The following PALM2AKAP2 variants were observed in gnomAD, a reference collection of about 807,000 sequenced individuals.
The protein encoded by PALM2AKAP2 is PALM2-AKAP2 fusion protein.
Under a neutral mutation model 71.5 loss-of-function variants are expected in PALM2AKAP2, and 37 were observed. That is an observed-to-expected ratio of 0.52 (90% CI 0.40 to 0.68). PALM2AKAP2 has a LOEUF of 0.68. Among genes scored for constraint, PALM2AKAP2 ranks in the 30% least tolerant of loss-of-function variants. The probability of loss-of-function intolerance (pLI) is 0.00; values close to 1 mark genes in which losing one functional copy is unlikely to be tolerated. For synonymous variants in PALM2AKAP2, 468 were observed against 478.8 expected, an observed-to-expected ratio of 0.98 and a Z score of 0.29; for missense variants, 1,224 against 1,191.8, an observed-to-expected ratio of 1.03 and a Z score of -0.40.
At chr9:110,048,421 A>C (rs1397107893), upstream of PALM2AKAP2, among the ~76,000 whole-genome samples, 2 of 152,114 alleles carry the variant, frequency 1.3e-5, no homozygotes, top group East Asian at 3.9e-4. Context: ...CGCTCCCCTG[A>C]GTTAGGAAAC....
rs151126383 is a variant in PALM2AKAP2 at position 109,687,559 on chromosome 9, A to G, written c.5+46693A>G. 1.2e-3 allele frequency among the ~76,000 whole-genome samples: 180 copies of G among 152,290 alleles called. 1 individual carries two copies. Among genetic ancestry groups the G allele is most frequent in the African/African-American group, 4.1e-3 (169 of 41,558 alleles). On this transcript the variant is annotated intron_variant, in intron 1 of 6. Coordinates refer to the PALM2AKAP2 transcript ENST00000374531. ...AGCTTCCTCACCTTTCTCGGCCTTC[A>G]TAGAATTGAAGACAGTTAGAGCCTT...
intron 3 of PALM2AKAP2, among the ~76,000 whole-genome samples, chr9:110,158,667 A>C (rs942367064): frequency 5.9e-5 from 9 of 152,202 alleles, no homozygotes; most frequent in Admixed American, 2.0e-4. Context: ...CAAATCAAAG[A>C]GGCAGCCTCC....
chr9:109,997,713 T>G (rs1349812529), intron 6 of PALM2AKAP2, among the ~76,000 whole-genome samples: 1 of 152,186 alleles, frequency 6.6e-6, no homozygotes, highest in African/African-American at 2.4e-5. Flanking sequence ...TGCCCTCTAT[T>G]TGGAGGCCGC....
intron 1 of PALM2AKAP2, among the ~76,000 whole-genome samples, chr9:109,820,155 ATTAC>A (rs1331752188): frequency 4.6e-5 from 7 of 152,344 alleles, no homozygotes; most frequent in East Asian, 1.9e-4. Context: ...GGATTCATAT[ATTAC>A]TTATATAATT....
intron 6 of PALM2AKAP2, among the ~76,000 whole-genome samples, chr9:109,970,276 G>C (rs561095900): frequency 3.5e-4 from 54 of 152,278 alleles, no homozygotes; most frequent in Non-Finnish European, 6.2e-4. Context: ...TTTATTATTA[G>C]ATTCAATAAA....
At chr9:109,990,955 A>C (rs117415945) in intron 6 of PALM2AKAP2, among the ~76,000 whole-genome samples, 2,123 of 152,268 alleles carry the variant, frequency 0.014, 24 homozygotes, top group Middle Eastern at 0.082. Context: ...CTAGTGTAAG[A>C]GGGCCATCTT....
At chr9:110,028,129 G>A (rs1833215288) in intron 7 of PALM2AKAP2, among the ~76,000 whole-genome samples, 1 of 152,136 alleles carries the variant, frequency 6.6e-6, no homozygotes, top group Admixed American at 6.5e-5. Context: ...TATAATACAT[G>A]TCTTTGAGAA....
intron 3 of PALM2AKAP2, among the ~76,000 whole-genome samples, chr9:109,900,853 A>C (rs1177237252): frequency 1.3e-5 from 2 of 152,228 alleles, no homozygotes; most frequent in African/African-American, 4.8e-5. Flanking sequence ...TTGACTTCAG[A>C]CAGAACATTC....
intron 1 of PALM2AKAP2, among the ~76,000 whole-genome samples, chr9:109,726,061 T>C (rs577646276): frequency 6.6e-6 from 1 of 152,348 alleles, no homozygotes; most frequent in Admixed American, 6.5e-5. Context: ...CTTTAACACA[T>C]TAGCCTTCTT....
intron 3 of PALM2AKAP2, among the ~76,000 whole-genome samples, chr9:109,881,573 C>T (rs889350307): frequency 6.6e-6 from 1 of 152,202 alleles, no homozygotes; most frequent in Non-Finnish European, 1.5e-5. Context: ...GCTTTCACTG[C>T]TCAGAGAGTG....
At chr9:110,111,086 C>CTTTTTTTTTTTTTTTTTT (rs34958946) in intron 1 of PALM2AKAP2, among the ~76,000 whole-genome samples, 36 of 84,188 alleles carry the variant, frequency 4.3e-4, no homozygotes, top group South Asian at 5.1e-4. Flanking sequence ...TTTCTTTCTT[C>CTTTTTTTTTTTTTTTTTT]TTTTTTTTTT....
intron 7 of PALM2AKAP2, among the ~76,000 whole-genome samples, chr9:110,022,565 T>TTTTTA (rs1251922765): frequency 1.3e-4 from 20 of 149,986 alleles, no homozygotes; most frequent in South Asian, 4.2e-4. Context: ...TTTTTCTTTA[T>TTTTTA]TTTTATTTTA....
At chr9:109,734,968 C>A (rs1828608147) in intron 1 of PALM2AKAP2, among the ~76,000 whole-genome samples, 1 of 151,892 alleles carries the variant, frequency 6.6e-6, no homozygotes, top group African/African-American at 2.4e-5. Context: ...TTACATTGCT[C>A]AACTGACTTG....
chr9:110,158,021 C>G (rs1836501151), intron 3 of PALM2AKAP2, among the ~76,000 whole-genome samples: 1 of 152,194 alleles, frequency 6.6e-6, no homozygotes, highest in African/African-American at 2.4e-5. Flanking sequence ...TGCAGCTATT[C>G]TACTGGGCTC....
chr9:110,046,002 G>T (rs1833589896), upstream of PALM2AKAP2, among the ~76,000 whole-genome samples: 2 of 152,194 alleles, frequency 1.3e-5, no homozygotes, highest in African/African-American at 2.4e-5. Flanking sequence ...GCGCTGTCCT[G>T]TAGATGCCAG....
At chr9:110,034,278 C>A (rs1354546792) in intron 7 of PALM2AKAP2, among the ~76,000 whole-genome samples, 1 of 152,158 alleles carries the variant, frequency 6.6e-6, no homozygotes, top group East Asian at 1.9e-4. Flanking sequence ...CTGCCTCAGT[C>A]TCCTAAGTAG....
chr9:109,677,499 C>T (rs1827664675), intron 1 of PALM2AKAP2, among the ~76,000 whole-genome samples: 1 of 152,084 alleles, frequency 6.6e-6, no homozygotes, highest in South Asian at 2.1e-4. Context: ...GAAACCCCGT[C>T]TCTACTAAAA....
At position 110,039,315 on chromosome 9, in the gene PALM2AKAP2, G is replaced by T. The variant is rs184050656; in HGVS notation, c.582+23276G>T. ...TCTATCCTCTTAAAGTGTTCATTTA[G>T]TACAGTATTATTAACTGTGAGCACA... On this transcript the variant is annotated intron_variant, in intron 7 of 9. Transcript: ENST00000302798. Among the ~76,000 whole-genome samples, 124 of 152,248 alleles carry T rather than the reference G, an allele frequency of 8.1e-4. 1 individual carries two copies. Among genetic ancestry groups the T allele is most frequent in the African/African-American group, 2.8e-3 (118 of 41,540 alleles).
intron 1 of PALM2AKAP2, among the ~76,000 whole-genome samples, chr9:109,690,007 GTT>G (rs573446380): frequency 6.9e-6 from 1 of 144,250 alleles, no homozygotes; most frequent in Admixed American, 6.9e-5. Flanking sequence ...ATGGGGAAGA[GTT>G]TTTTTTTTTT....
Sources: allele counts gnomAD v4.1 joint callset (sites outside exome capture counted in the v4.1 genomes callset), GRCh38; gene constraint gnomAD v4.1.1; transcripts MANE v1.5; gene names NCBI Gene and HGNC (gene_info 2026-07-23, HGNC 2026-07-21).